The following DCC variants were observed in gnomAD, a reference collection of about 807,000 sequenced individuals.
The protein encoded by DCC is DCC netrin 1 receptor.
Under a neutral mutation model 172.5 loss-of-function variants are expected in DCC, and 58 were observed. The observed-to-expected ratio is 0.34, with a 90% CI of 0.27 to 0.42. DCC has a LOEUF of 0.42. Ranked by LOEUF, DCC falls within the 10% of genes least tolerant of loss-of-function variation. The probability of loss-of-function intolerance (pLI) is 1.00; values close to 1 mark genes in which losing one functional copy is unlikely to be tolerated. For synonymous variants in DCC, 709 were observed against 644.5 expected (o/e 1.10, Z -1.52); for missense variants, 1,740 against 1,791.0 (o/e 0.97, Z 0.51).
At chr18:52,416,781 TG>T (rs1377329102) in intron 1 of DCC, among the ~76,000 whole-genome samples, 1 of 152,116 alleles carries the variant, frequency 6.6e-6, no homozygotes, top group Admixed American at 6.5e-5. Context: ...GCACTTGAGA[TG>T]GGTTTCCTGA....
intron 5 of DCC, among the ~76,000 whole-genome samples, chr18:53,032,617 A>G (rs1022329384): frequency 2.6e-5 from 4 of 152,158 alleles, no homozygotes; most frequent in African/African-American, 7.2e-5. Flanking sequence ...GAAAATCTCA[A>G]GTTTCCACAC....
intron 2 of DCC, among the ~76,000 whole-genome samples, chr18:52,775,851 T>C (rs9946240): frequency 0.087 from 13,243 of 152,248 alleles, 660 homozygotes; most frequent in South Asian, 0.18. Flanking sequence ...GTAGGAGTGC[T>C]CATGCTCACC....
At chr18:53,042,409 G>A (rs1219653229) in intron 5 of DCC, among the ~76,000 whole-genome samples, 1 of 151,922 alleles carries the variant, frequency 6.6e-6, no homozygotes, top group Admixed American at 6.6e-5. Context: ...CAGTTTGCCA[G>A]TATTTTATTG....
intron 1 of DCC, among the ~76,000 whole-genome samples, chr18:52,467,859 T>C (rs1046351821): frequency 3.3e-5 from 5 of 152,238 alleles, no homozygotes; most frequent in Non-Finnish European, 5.9e-5. Context: ...TTGAGAAGTG[T>C]CTGTTCAGAC....
At chr18:52,502,491 C>A (rs559285587) in intron 1 of DCC, among the ~76,000 whole-genome samples, 14 of 152,206 alleles carry the variant, frequency 9.2e-5, no homozygotes, top group African/African-American at 2.4e-4. Context: ...GGGTGATATC[C>A]TTGCCTGTTG....
At chr18:52,680,850 C>A (rs997604667) in intron 1 of DCC, among the ~76,000 whole-genome samples, 40 of 152,086 alleles carry the variant, frequency 2.6e-4, no homozygotes, top group African/African-American at 8.7e-4. Flanking sequence ...AATTATATAG[C>A]TGTTGCCTTT....
chr18:52,834,480 G>C (rs1192734009), intron 2 of DCC, among the ~76,000 whole-genome samples: 2 of 152,112 alleles, frequency 1.3e-5, no homozygotes, highest in Non-Finnish European at 2.9e-5. Context: ...ACTGAAACTT[G>C]AGAACCACTA....
At chr18:52,633,441 C>T (rs577107876) in intron 1 of DCC, among the ~76,000 whole-genome samples, 2 of 152,258 alleles carry the variant, frequency 1.3e-5, no homozygotes, top group Admixed American at 6.5e-5. Flanking sequence ...AAGGAGTTGT[C>T]ACCTTACCTC....
At chr18:52,926,964 G>T (rs867841034) in intron 5 of DCC, among the ~76,000 whole-genome samples, 2 of 137,634 alleles carry the variant, frequency 1.5e-5, no homozygotes, top group African/African-American at 5.3e-5. Flanking sequence ...ACTATATATG[G>T]ATATATATAC....
chr18:53,425,164 T>C (rs1910837281), intron 21 of DCC, among the ~76,000 whole-genome samples: 1 of 151,912 alleles, frequency 6.6e-6, no homozygotes, highest in Non-Finnish European at 1.5e-5. Context: ...AACTTCACTT[T>C]TTCCAGTACT....
At chr18:53,440,519 C>A (rs1457495696) in intron 22 of DCC, among the ~76,000 whole-genome samples, 1 of 149,590 alleles carries the variant, frequency 6.7e-6, no homozygotes, top group African/African-American at 2.5e-5. Flanking sequence ...TTTTAGAATT[C>A]AATAACATTT....
intron 5 of DCC, among the ~76,000 whole-genome samples, chr18:52,964,832 C>T (rs951164137): frequency 2.6e-5 from 4 of 152,186 alleles, no homozygotes; most frequent in African/African-American, 9.6e-5. Flanking sequence ...GTTGGCAAGG[C>T]TGCAGTCTTC....
intron 7 of DCC, among the ~76,000 whole-genome samples, chr18:53,128,860 CACACACACACATATATATATAT>C (rs1276693170): frequency 7.6e-5 from 6 of 79,332 alleles, no homozygotes; most frequent in African/African-American, 1.4e-4. Context: ...CACACACACA[CACACACACACATATATATATAT>C]ATATATATAT....
intron 2 of DCC, 108 bp downstream of exon 2, chr18:52,752,482 C>A (rs2037013116): frequency 2.3e-6 from 2 of 873,260 alleles, no homozygotes; most frequent in Non-Finnish European, 1.8e-6. Context: ...TTTTAAAAAT[C>A]TTTTAAATTT....
At chr18:52,512,172 G>A (rs1041152399) in intron 1 of DCC, among the ~76,000 whole-genome samples, 2 of 152,168 alleles carry the variant, frequency 1.3e-5, no homozygotes, top group African/African-American at 4.8e-5. Flanking sequence ...AGGACTCACC[G>A]ATCCAACTAT....
intron 1 of DCC, among the ~76,000 whole-genome samples, chr18:52,722,757 A>G (rs1048715032): frequency 6.6e-6 from 1 of 152,106 alleles, no homozygotes; most frequent in Non-Finnish European, 1.5e-5. Context: ...TGCAGTCACT[A>G]AGGGTCTCCT....
Position 52,813,308 on chromosome 18 carries a change from G to A in DCC, c.412+60934G>A, listed in dbSNP as rs558620410. 2.0e-5 allele frequency among the ~76,000 whole-genome samples: 3 copies of A among 149,324 alleles called. No homozygotes were observed. The East Asian group carries it at 5.9e-4, about 30-fold the overall frequency. On this transcript the variant is annotated intron_variant, in intron 2 of 28. Coordinates refer to ENST00000442544, the MANE Select transcript of DCC (RefSeq NM_005215.4). The stretch of plus-strand genomic sequence containing the variant: ...TTTGCTAGAATTTGCAGATGTTATA[G>A]GTGAAAACATCAATTGGAGTACAAA...
At chr18:52,503,824 C>T (rs550694950) in intron 1 of DCC, among the ~76,000 whole-genome samples, 1 of 152,214 alleles carries the variant, frequency 6.6e-6, no homozygotes, top group African/African-American at 2.4e-5. Context: ...TGGCTGCTTC[C>T]TGAGCCCTGA....
chr18:52,507,679 CCTTTT>C (rs2031281063), intron 1 of DCC, among the ~76,000 whole-genome samples: 1 of 152,188 alleles, frequency 6.6e-6, no homozygotes, highest in African/African-American at 2.4e-5. Flanking sequence ...CCCAGCTAAA[CCTTTT>C]CTTTTGCTTT....
Sources: gnomAD v4.1 joint callset for allele counts (sites outside exome capture counted in the v4.1 genomes callset) on GRCh38, gnomAD v4.1.1 for gene constraint, MANE v1.5 for transcripts, NCBI Gene and HGNC (gene_info 2026-07-23, HGNC 2026-07-21) for gene names.